The following WDR33 variants were observed in gnomAD, a reference collection of about 807,000 sequenced individuals.
WDR33 encodes pre-mRNA 3' end processing protein WDR33.
In WDR33, 47 loss-of-function variants were observed where a neutral mutation model predicts 164.9. That is an observed-to-expected ratio of 0.29 (90% CI 0.23 to 0.36). The LOEUF (loss-of-function observed/expected upper bound fraction) is 0.36. WDR33 is among the 10% of genes least tolerant of loss of function. The pLI, the probability that WDR33 is intolerant of heterozygous loss-of-function variation, is 1.00. For missense variants in WDR33, 1,137 were observed against 1,754.1 expected, an observed-to-expected ratio of 0.65 and a Z score of 6.28; for synonymous variants, 505 against 589.0, an observed-to-expected ratio of 0.86 and a Z score of 2.06.
Position 127,797,863 on chromosome 2 carries a change from C to T in WDR33, c.-24+13149G>A, listed in dbSNP as rs1036829569. 2.0e-5 allele frequency among the ~76,000 whole-genome samples: 3 copies of T among 151,736 alleles called. No homozygotes were observed. The East Asian group carries it at 5.8e-4, about 30-fold the overall frequency. Reference sequence around the variant, plus strand: ...CCTGTCTCTACCAAAAACACAAAAACTTAGCCGGGCATGGTGGTACACAAC... The same window carrying T: ...CCTGTCTCTACCAAAAACACAAAAATTTAGCCGGGCATGGTGGTACACAAC... On this transcript the variant is annotated intron_variant, in intron 1 of 21. Coordinates refer to ENST00000322313, the MANE Select transcript of WDR33 (RefSeq NM_018383.5).
At chr2:127,745,757 G>C (rs1267713612) in intron 7 of WDR33, among the ~76,000 whole-genome samples, 1 of 152,134 alleles carries the variant, frequency 6.6e-6, no homozygotes, top group Non-Finnish European at 1.5e-5. Flanking sequence ...CTCCAAGTCT[G>C]TAGAGTAACT....
intron 7 of WDR33, among the ~76,000 whole-genome samples, chr2:127,740,976 T>A (rs73958007): frequency 6.6e-6 from 1 of 151,706 alleles, no homozygotes; most frequent in Non-Finnish European, 1.5e-5. Flanking sequence ...TAAACCAGAG[T>A]AGAGAAAAAT....
At position 127,764,351 on chromosome 2, in the gene WDR33, A is replaced by T; in HGVS notation, c.626+477T>A. On this transcript the variant is annotated intron_variant, in intron 6 of 21. Coordinates refer to ENST00000322313, the MANE Select transcript of WDR33 (RefSeq NM_018383.5). The surrounding 1 kb of genome is among the most constrained non-coding windows in gnomAD (Gnocchi z 6.2). ...AGTTATCTGTGAGGGTTTTAGTCCT[A>T]TACTTTCCTTTGGAAGTCGTGGCAT... 2.1e-6 allele frequency: 3 copies of T among 1,420,632 alleles called. No individual in the cohort carries two copies. Among genetic ancestry groups the T allele is most frequent in the Non-Finnish European group, 2.8e-6 (3 of 1,089,188 alleles). 88.0% of individuals were successfully genotyped at this position (1,420,632 alleles called of 1,614,324 possible).
intron 1 of WDR33, among the ~76,000 whole-genome samples, chr2:127,786,970 AG>A (rs1414876814): frequency 8.3e-6 from 1 of 121,180 alleles, no homozygotes; most frequent in African/African-American, 3.2e-5. Context: ...AAGTGAACAA[AG>A]GTCTCTGGTT....
chr2:127,769,121 A>T (rs1244709672), intron 2 of WDR33, 120 bp from the exon 3 acceptor site: 2 of 508,794 alleles, frequency 3.9e-6, no homozygotes, highest in Non-Finnish European at 5.6e-6. Flanking sequence ...GGATAAACAG[A>T]ATTAAAAAAT....
Position 127,724,544 on chromosome 2 carries a change from C to T in WDR33, c.1086-101G>A, listed in dbSNP as rs1360367448. 1.9e-6 allele frequency: 2 copies of T among 1,049,708 alleles called. No homozygotes were observed. The highest frequency in any genetic ancestry group is 2.9e-6 in the Non-Finnish European group (2 of 697,262). 65.0% of individuals were successfully genotyped at this position (1,049,708 alleles called of 1,614,324 possible). A position where few individuals can be genotyped will look rare whatever the true frequency, so the allele number is the denominator to read the frequency against. ...TTCTGTTACTCTTAAAATGAAGCTA[C>T]CAAAGCCTGGACTTGGACTCTGGTG... On this transcript the variant is annotated intron_variant, in intron 10 of 21. Transcript: ENST00000322313. The surrounding 1 kb of genome is among the most constrained non-coding windows in gnomAD (Gnocchi z 4.8).
At chr2:127,762,616 C>A (rs772107059) in intron 7 of WDR33, 19 of 987,880 alleles carry the variant, frequency 1.9e-5, no homozygotes, top group Non-Finnish European at 2.2e-5. Flanking sequence ...TACTGAAAAA[C>A]CAACTGCTTT....
rs2105420276 is a variant in WDR33 at position 127,753,896 on chromosome 2, G to A, written c.724+9166C>T. On this transcript the variant is annotated intron_variant, in intron 7 of 21. Transcript: ENST00000322313. ...GAAAAAGAAAAATAACTTAATGAAAGTATCTTTCAAAGCCTAACCTACCTA... is the reference window on the plus strand; with the variant it reads ...GAAAAAGAAAAATAACTTAATGAAAATATCTTTCAAAGCCTAACCTACCTA... Among the ~76,000 whole-genome samples the A allele has an allele frequency of 1.3e-5, 2 of 152,244 alleles. 1 individual carries two copies. The highest frequency in any genetic ancestry group is 4.1e-4 in the South Asian group (2 of 4,822).
chr2:127,701,485 G>C lies in WDR33; in HGVS notation c.*4838C>G. 7.9e-7 allele frequency: 1 copy of C among 1,262,714 alleles called. No individual in the cohort carries two copies. Among genetic ancestry groups the C allele is most frequent in the Non-Finnish European group, 1.0e-6 (1 of 1,001,186 alleles). The allele number at this position is 1,262,714 out of a possible 1,614,324, so 78.2% of individuals were successfully genotyped here. Reference sequence around the variant, plus strand: ...ACCGAACCGCTTCAGCGGAGGGCCGGAAGTGAGCCGCAGCTTTTCCTTTCT... The same window carrying C: ...ACCGAACCGCTTCAGCGGAGGGCCGCAAGTGAGCCGCAGCTTTTCCTTTCT... On this transcript the variant is annotated 3_prime_UTR_variant, in exon 22 of 22. Transcript: ENST00000322313.
intron 7 of WDR33, among the ~76,000 whole-genome samples, chr2:127,749,613 G>A (rs1344064490): frequency 6.8e-6 from 1 of 148,032 alleles, no homozygotes; most frequent in Non-Finnish European, 1.5e-5. Flanking sequence ...AGTGAGCTGA[G>A]ATTGTGCCAC....
intron 1 of WDR33, among the ~76,000 whole-genome samples, chr2:127,773,650 G>A (rs1279743462): frequency 6.6e-6 from 1 of 151,996 alleles, no homozygotes; most frequent in Non-Finnish European, 1.5e-5. Flanking sequence ...AAGGCTGGTG[G>A]AAGACTGTTT....
At chr2:127,750,680 ATATATATATATATAT>A (rs1687312397) in intron 7 of WDR33, among the ~76,000 whole-genome samples, 1 of 33,312 alleles carries the variant, frequency 3.0e-5, no homozygotes, top group Non-Finnish European at 4.7e-5. Flanking sequence ...AAAAAAAAAT[ATATATATATATATAT>A]ATATATATAT....
chr2:127,767,830 CCTGT>C (rs1259870399), intron 4 of WDR33, among the ~76,000 whole-genome samples: 1 of 152,194 alleles, frequency 6.6e-6, no homozygotes, highest in African/African-American at 2.4e-5. Context: ...CAGATGTTTT[CCTGT>C]CTGTTAACTC....
rs559933448 is a variant in WDR33 at position 127,702,002 on chromosome 2, C to A, written c.*4321G>T. On this transcript the variant is annotated 3_prime_UTR_variant, in exon 22 of 22. Transcript: ENST00000322313. ...TGGCAGCGCTGGGCGCCACGCTGTT[C>A]GCCGCGCTGGGCCTTCGCAGCACGC... 9.1e-6 allele frequency: 12 copies of A among 1,322,342 alleles called. No individual in the cohort carries two copies. The South Asian group carries it at 1.5e-4, about 16-fold the overall frequency. The allele number at this position is 1,322,342 out of a possible 1,614,324, so 81.9% of individuals were successfully genotyped here. A position where few individuals can be genotyped will look rare whatever the true frequency, so the allele number is the denominator to read the frequency against.
intron 1 of WDR33, among the ~76,000 whole-genome samples, chr2:127,785,600 A>G (rs1573457197): frequency 6.6e-6 from 1 of 152,108 alleles, no homozygotes; most frequent in Admixed American, 6.5e-5. Flanking sequence ...GGCTTCTTTT[A>G]CTTAGCAATA....
At position 127,713,673 on chromosome 2, in the gene WDR33, G is replaced by A. The variant is rs142325177; in HGVS notation, c.3218C>T (p.Pro1073Leu). The change falls in exon 18 of 22, where the codon CCT (proline) becomes CTT (leucine). Residue 1073 changes from proline to leucine, a missense_variant. This residue lies in a region of WDR33 where 867 missense variants were observed against 1,073.0 expected (regional missense o/e 0.81). Coordinates refer to ENST00000322313, the MANE Select transcript of WDR33 (RefSeq NM_018383.5). This position sits in a 1 kb window ranked among gnomAD's most constrained non-coding sequence, Gnocchi z 6.2. Reference protein sequence around the residue: ...EGDGRGAARGPPGAWEGRRPG... With the variant: ...EGDGRGAARGLPGAWEGRRPG... ...CCTGCGGCCTTCCCATGCCCCCGGA[G>A]GGCCTCGGGCTGCACCCCGGCCATC... The A allele has an allele frequency of 9.3e-6, 15 of 1,614,116 alleles. No individual in the cohort carries two copies. In the African/African-American group the frequency reaches 1.7e-4, roughly 19 times the overall value.
Position 127,719,504 on chromosome 2 carries a change from G to A in WDR33, c.2521C>T (p.Pro841Ser). The change falls in exon 16 of 22, where the codon CCC (proline) becomes TCC (serine). Residue 841 changes from proline (P) to serine (S), a missense_variant. Pro to Ser is a moderately conservative substitution (Grantham distance 74). Around this residue, in one of 9 missense-constraint regions of WDR33, gnomAD observed 867 missense variants for 1,073.0 expected, o/e 0.81. Coordinates refer to ENST00000322313, the MANE Select transcript of WDR33 (RefSeq NM_018383.5). The surrounding 1 kb of genome is among the most constrained non-coding windows in gnomAD (Gnocchi z 6.5). ...QEIRGMQGPP[P>S]QGSMLGPPQE... ...GGAGGTCCCAGCATTGATCCTTGGGGTGGAGGCCCCTGCATGCCTCGGATC... is the reference window on the plus strand; with the variant it reads ...GGAGGTCCCAGCATTGATCCTTGGGATGGAGGCCCCTGCATGCCTCGGATC... 1 of 1,612,650 alleles carries A rather than the reference G, an allele frequency of 6.2e-7. No individual in the cohort carries two copies. The highest frequency in any genetic ancestry group is 8.5e-7 in the Non-Finnish European group (1 of 1,179,186).
intron 7 of WDR33, among the ~76,000 whole-genome samples, chr2:127,730,883 G>A (rs183122406): frequency 1.3e-5 from 2 of 151,872 alleles, no homozygotes; most frequent in East Asian, 3.9e-4. Context: ...TTTTGTGTGT[G>A]TGTGAACTCT....
At chr2:127,803,858 G>GA (rs1462656756) in intron 1 of WDR33, among the ~76,000 whole-genome samples, 1 of 147,172 alleles carries the variant, frequency 6.8e-6, no homozygotes, top group Non-Finnish European at 1.5e-5. Flanking sequence ...TGAGGTAGGA[G>GA]AATCACTTGA....
Sources: gnomAD v4.1 joint callset for allele counts (sites outside exome capture counted in the v4.1 genomes callset) on GRCh38, gnomAD v4.1.1 for gene constraint, gnomAD v4.1.1 regional missense constraint, Gnocchi (gnomAD v3.1) non-coding constraint, MANE v1.5 for transcripts, NCBI Gene and HGNC (gene_info 2026-07-23, HGNC 2026-07-21) for gene names.